MAP4K5: variants seen among roughly 807,000 people sequenced by gnomAD.
MAP4K5 encodes MAPK/ERK kinase kinase kinase 5.
A neutral mutation model predicts 135.6 loss-of-function variants in MAP4K5; 82 were observed. The observed-to-expected ratio is 0.60, with a 90% confidence interval of 0.51 to 0.73. The LOEUF (loss-of-function observed/expected upper bound fraction) is 0.73. MAP4K5 is among the 30% of genes least tolerant of loss of function. MAP4K5 has a pLI of 0.00. For missense variants in MAP4K5, 907 were observed against 1,010.9 expected, an observed-to-expected ratio of 0.90 and a Z score of 1.39; for synonymous variants, 347 against 335.0, an observed-to-expected ratio of 1.04 and a Z score of -0.39.
chr14:50,476,179 AAAATAC>A lies in MAP4K5; in HGVS notation c.427-15_427-10del, dbSNP rs1455825310. ...AATAAAATATTAGCACCCTAGAACAAAAATACAAATACAATTAAATTAGCATCATAA... is the reference window on the plus strand; with the variant it reads ...AATAAAATATTAGCACCCTAGAACAAAAATACAATTAAATTAGCATCATAA... On this transcript the variant is annotated splice_polypyrimidine_tract_variant and intron_variant, in intron 7 of 32. Coordinates refer to ENST00000682126, the MANE Select transcript of MAP4K5 (RefSeq NM_006575.6). The A allele has an allele frequency of 6.6e-7, 1 of 1,504,224 alleles. No homozygotes were observed. Among genetic ancestry groups the A allele is most frequent in the Non-Finnish European group, 9.0e-7 (1 of 1,115,280 alleles). 93.2% of individuals were successfully genotyped at this position (1,504,224 alleles called of 1,614,324 possible).
chr14:50,493,861 G>A (rs1447154961), intron 3 of MAP4K5, among the ~76,000 whole-genome samples: 1 of 151,720 alleles, frequency 6.6e-6, no homozygotes, highest in African/African-American at 2.4e-5. Context: ...GGTGGTGGGC[G>A]CCTGTACTCC....
intron 14 of MAP4K5, among the ~76,000 whole-genome samples, chr14:50,451,073 A>T (rs549446470): frequency 6.6e-6 from 1 of 152,322 alleles, no homozygotes; most frequent in East Asian, 1.9e-4. Context: ...ATAGCTCAGT[A>T]GAAAAACAGA....
At chr14:50,432,445 C>T (rs2035990957) in intron 28 of MAP4K5, among the ~76,000 whole-genome samples, 1 of 151,874 alleles carries the variant, frequency 6.6e-6, no homozygotes, top group Admixed American at 6.6e-5. Flanking sequence ...AGCCTTGACC[C>T]CAGGTCAGAC....
intron 2 of MAP4K5, among the ~76,000 whole-genome samples, chr14:50,521,392 G>A (rs1473153373): frequency 1.3e-5 from 2 of 152,174 alleles, no homozygotes; most frequent in Non-Finnish European, 2.9e-5. Flanking sequence ...ATTTAAAGAT[G>A]CAGTCCTAAG....
intron 5 of MAP4K5, among the ~76,000 whole-genome samples, chr14:50,484,703 C>A (rs2139924430): frequency 6.6e-6 from 1 of 152,192 alleles, no homozygotes; most frequent in South Asian, 2.1e-4. Context: ...GTTTATTTAA[C>A]CACTGCTCTA....
At chr14:50,480,453 TA>T (rs1241679876) in intron 6 of MAP4K5, among the ~76,000 whole-genome samples, 14 of 150,636 alleles carry the variant, frequency 9.3e-5, no homozygotes, top group Admixed American at 6.0e-4. Context: ...CCTCCGACCA[TA>T]TCAAATCCCT....
intron 6 of MAP4K5, among the ~76,000 whole-genome samples, chr14:50,481,287 C>T (rs2037236477): frequency 1.3e-5 from 2 of 149,838 alleles, no homozygotes; most frequent in African/African-American, 4.9e-5. Context: ...ATATATTACA[C>T]ATCTCTATAT....
Position 50,423,122 on chromosome 14 carries a change from T to C in MAP4K5, c.2452A>G (p.Arg818Gly). The change falls in exon 32 of 33, where the codon AGG becomes GGG. Residue 818 changes from arginine (R) to glycine (G), a missense_variant and splice_region_variant. Physicochemically the swap from Arg to Gly is moderately radical, Grantham distance 125. Transcript: ENST00000682126. Reference protein sequence around the residue: ...TRVFRLLGSDRVVVLESRPTE... With the variant: ...TRVFRLLGSDGVVVLESRPTE... ...AAATTAATACAACCAAACTATTACCTGTCTGATCCTAATAAGCGGAAAACT... is the reference window on the plus strand; with the variant it reads ...AAATTAATACAACCAAACTATTACCCGTCTGATCCTAATAAGCGGAAAACT... The C allele has an allele frequency of 2.6e-6, 4 of 1,531,374 alleles. No homozygotes were observed. The highest frequency in any genetic ancestry group is 3.6e-6 in the Non-Finnish European group (4 of 1,112,648). The allele number at this position is 1,531,374 out of a possible 1,614,324, so 94.9% of individuals were successfully genotyped here.
At chr14:50,508,110 T>C (rs903079233) in intron 2 of MAP4K5, among the ~76,000 whole-genome samples, 1 of 152,204 alleles carries the variant, frequency 6.6e-6, no homozygotes, top group African/African-American at 2.4e-5. Flanking sequence ...AATGCCCTTC[T>C]TTGTCTCTTC....
chr14:50,547,551 C>G (rs1180511087), intron 1 of MAP4K5, among the ~76,000 whole-genome samples: 1 of 152,178 alleles, frequency 6.6e-6, no homozygotes, highest in East Asian at 1.9e-4. Context: ...TACTGCCTAC[C>G]AGGGGAAGAT....
At chr14:50,511,969 G>A (rs2037938878) in intron 2 of MAP4K5, among the ~76,000 whole-genome samples, 2 of 151,984 alleles carry the variant, frequency 1.3e-5, no homozygotes, top group East Asian at 3.9e-4. Context: ...GGTAATGATA[G>A]ACACATCTCA....
intron 3 of MAP4K5, among the ~76,000 whole-genome samples, chr14:50,489,061 T>A (rs2037427920): frequency 6.6e-6 from 1 of 152,196 alleles, no homozygotes; most frequent in Non-Finnish European, 1.5e-5. Flanking sequence ...TTTAACTGGG[T>A]GATACGCCAA....
At chr14:50,446,283 A>G (rs991228935) in intron 16 of MAP4K5, among the ~76,000 whole-genome samples, 162 bp from the exon 17 acceptor site, 9 of 152,200 alleles carry the variant, frequency 5.9e-5, no homozygotes, top group African/African-American at 2.2e-4. Flanking sequence ...GACCTCACTC[A>G]TATTGTCAAA....
chr14:50,495,280 T>C (rs1294305255), intron 3 of MAP4K5, among the ~76,000 whole-genome samples: 1 of 152,154 alleles, frequency 6.6e-6, no homozygotes, highest in Non-Finnish European at 1.5e-5. Context: ...TAGACATTTA[T>C]CCAAAGATGA....
chr14:50,499,707 T>A (rs1199419092), intron 3 of MAP4K5, among the ~76,000 whole-genome samples: 2 of 151,670 alleles, frequency 1.3e-5, no homozygotes, highest in Admixed American at 1.3e-4. Flanking sequence ...TTCATTACTT[T>A]CCAAAGTAAT....
intron 13 of MAP4K5, among the ~76,000 whole-genome samples, chr14:50,459,864 A>T (rs967693903): frequency 6.6e-6 from 1 of 151,788 alleles, no homozygotes; most frequent in Non-Finnish European, 1.5e-5. Flanking sequence ...TGCCCAGCTA[A>T]TTTTTTGGTA....
chr14:50,441,930 T>C (rs2036239503), intron 21 of MAP4K5, among the ~76,000 whole-genome samples: 1 of 152,094 alleles, frequency 6.6e-6, no homozygotes, highest in Non-Finnish European at 1.5e-5. Context: ...GTTTGCTAAT[T>C]GCTAGACACT....
intron 8 of MAP4K5, 89 bp downstream of exon 8, chr14:50,476,039 A>C (rs781168485): frequency 4.3e-6 from 3 of 701,458 alleles, no homozygotes; most frequent in Non-Finnish European, 7.0e-6. Context: ...AATCTGCATA[A>C]TGTTAATTCT....
rs555021253 is a variant in MAP4K5, at chr14:50,521,116, C to T, written c.108+10826G>A. Among the ~76,000 whole-genome samples, 16 of 152,246 alleles carry T rather than the reference C, an allele frequency of 1.1e-4. No individual in the cohort carries two copies. The East Asian group carries it at 1.7e-3, about 17-fold the overall frequency. Reference sequence around the variant, plus strand: ...GATTATAGGTGTGAGCCACCACACCCGGGCAAAGTCATTTTGATAGTAAAG... The same window carrying T: ...GATTATAGGTGTGAGCCACCACACCTGGGCAAAGTCATTTTGATAGTAAAG... On this transcript the variant is annotated intron_variant, in intron 2 of 32. Transcript: ENST00000682126.
Sources: allele counts gnomAD v4.1 joint callset (sites outside exome capture counted in the v4.1 genomes callset), GRCh38; gene constraint gnomAD v4.1.1; transcripts MANE v1.5; gene names NCBI Gene and HGNC (gene_info 2026-07-23, HGNC 2026-07-21).